The following PMFBP1 variants were observed in gnomAD, a reference collection of about 807,000 sequenced individuals.
PMFBP1 encodes the protein polyamine-modulated factor 1-binding protein 1.
In PMFBP1, 131 loss-of-function variants were observed where a neutral mutation model predicts 137.8. The observed-to-expected ratio is 0.95, with a 90% confidence interval of 0.82 to 1.10. The LOEUF (loss-of-function observed/expected upper bound fraction) is 1.10, where lower values mean the gene tolerates loss of function less well. Among genes scored for constraint, PMFBP1 ranks in the 50% least tolerant of loss-of-function variants. PMFBP1 has a pLI of 0.00. For missense variants in PMFBP1, 1,199 were observed against 1,175.4 expected (o/e 1.02, Z -0.29); for synonymous variants, 490 against 450.4 (o/e 1.09, Z -1.11).
Position 72,130,680 on chromosome 16 carries a change from C to T in PMFBP1, c.1490G>A (p.Gly497Asp), listed in dbSNP as rs1302963344. 1 of 1,613,680 alleles carries T rather than the reference C, an allele frequency of 6.2e-7. No individual in the cohort carries two copies. Among genetic ancestry groups the T allele is most frequent in the Non-Finnish European group, 8.5e-7 (1 of 1,179,984 alleles). ...AQCKEEAALA[G>D]CHLEDTQRKL... Reference sequence around the variant, plus strand: ...CCTCTGGGTGTCCTCCAGGTGACAGCCTGCCAGTGCAGCCTCTTCTTTGCA... The same window carrying T: ...CCTCTGGGTGTCCTCCAGGTGACAGTCTGCCAGTGCAGCCTCTTCTTTGCA... Residue 497 changes from glycine (G) to aspartate (D), a missense_variant, in exon 11 of 21, where the codon GGC becomes GAC. Transcript: ENST00000237353.
At chr16:72,136,665 C>T (rs905263485) in intron 8 of PMFBP1, 28 bp downstream of exon 8, 1 of 1,614,098 alleles carries the variant, frequency 6.2e-7, no homozygotes, top group South Asian at 1.1e-5. Context: ...TTCTGGCTCC[C>T]CTGCCACAGC....
the PMFBP1 span, among the ~76,000 whole-genome samples, chr16:72,185,047 G>A: frequency 6.7e-6 from 1 of 149,150 alleles, no homozygotes; most frequent in Non-Finnish European, 1.5e-5. Flanking sequence ...TTTTTGAGAC[G>A]GAGTCTCGCT....
intron 5 of PMFBP1, among the ~76,000 whole-genome samples, chr16:72,148,035 G>C (rs929870475): frequency 6.6e-6 from 1 of 152,074 alleles, no homozygotes; most frequent in African/African-American, 2.4e-5. Context: ...ATACCCAAAG[G>C]ATTATAAGTA....
chr16:72,216,894 GAAGCGAGA>G, the PMFBP1 span, among the ~76,000 whole-genome samples: 2 of 152,316 alleles, frequency 1.3e-5, no homozygotes, highest in South Asian at 4.1e-4. Context: ...AAGTAGTAGT[GAAGCGAGA>G]AAGGGAGGAA....
the PMFBP1 span, among the ~76,000 whole-genome samples, chr16:72,235,737 A>T: frequency 1.7e-5 from 1 of 58,538 alleles, no homozygotes; most frequent in East Asian, 6.2e-4. Flanking sequence ...TCCCAAGTTT[A>T]AAAAAAATAC....
In PMFBP1 at chr16:72,164,902, G is replaced by C; in HGVS notation, c.27C>G (p.Asp9Glu). The part of the protein sequence containing the change: MKDEAGER[D>E]REVSSLNSKL... Reference sequence around the variant, plus strand: ...TGCTGTTCAGGCTGCTCACTTCTCTGTCTCTCTCCCCCGCCTAGGCAGCCA... The same window carrying C: ...TGCTGTTCAGGCTGCTCACTTCTCTCTCTCTCTCCCCCGCCTAGGCAGCCA... Residue 9 changes from aspartate (D) to glutamate (E), a missense_variant, in exon 3 of 21, where the codon GAC (aspartate) becomes GAG (glutamate). Asp to Glu is a conservative substitution (Grantham distance 45). Coordinates refer to ENST00000237353, the MANE Select transcript of PMFBP1 (RefSeq NM_031293.3). The C allele has an allele frequency of 6.3e-7, 1 of 1,593,464 alleles. No homozygotes were observed. The highest frequency in any genetic ancestry group is 1.1e-5 in the South Asian group (1 of 90,056).
intron 7 of PMFBP1, among the ~76,000 whole-genome samples, chr16:72,138,619 G>C (rs1339752230): frequency 1.3e-5 from 2 of 152,114 alleles, no homozygotes; most frequent in Non-Finnish European, 2.9e-5. Flanking sequence ...GGGTTGAAGT[G>C]ATTCTCCTGC....
the PMFBP1 span, among the ~76,000 whole-genome samples, chr16:72,191,197 T>C: frequency 6.6e-6 from 1 of 152,190 alleles, no homozygotes; most frequent in South Asian, 2.1e-4. Context: ...TACAGACAGA[T>C]TCTGTATTTT....
At chr16:72,179,245 G>T (rs2043268594), upstream of PMFBP1, among the ~76,000 whole-genome samples, 1 of 152,176 alleles carries the variant, frequency 6.6e-6, no homozygotes, top group South Asian at 2.1e-4. Context: ...AAGTCTCTTA[G>T]GTTCAGCTCA....
At chr16:72,183,714 T>G in the PMFBP1 span, among the ~76,000 whole-genome samples, 11,244 of 152,134 alleles carry the variant, frequency 0.074, 494 homozygotes, top group Middle Eastern at 0.1. Flanking sequence ...ATAACAGTAG[T>G]TACCTATGAG....
At chr16:72,169,408 C>T (rs1597494501) in intron 2 of PMFBP1, among the ~76,000 whole-genome samples, 2 of 152,210 alleles carry the variant, frequency 1.3e-5, no homozygotes, top group Middle Eastern at 6.8e-3. Flanking sequence ...TTGACTTTTC[C>T]ATTTATAGAA....
the PMFBP1 span, among the ~76,000 whole-genome samples, chr16:72,198,616 A>G: frequency 6.6e-6 from 1 of 152,120 alleles, no homozygotes; most frequent in Non-Finnish European, 1.5e-5. Flanking sequence ...TTAAAAAATG[A>G]CCGGCCTCCA....
chr16:72,164,375 G>T, intron 3 of PMFBP1: 2 of 1,284,342 alleles, frequency 1.6e-6, no homozygotes, highest in Non-Finnish European at 2.0e-6. Flanking sequence ...TGATACCTTA[G>T]AGCAGGTGTG....
chr16:72,132,740 G>T lies in PMFBP1; in HGVS notation c.1447+8C>A. On this transcript the variant is annotated splice_region_variant and intron_variant, in intron 10 of 20. Transcript: ENST00000237353. ...AGTGTGGTGGGACAGCACCTGCAGG[G>T]GCCTCACCAGCCAGCCTCTCCTGCT... The T allele has an allele frequency of 6.2e-7, 1 of 1,614,132 alleles. No homozygotes were observed. The highest frequency in any genetic ancestry group is 2.2e-5 in the East Asian group (1 of 44,880).
the PMFBP1 span, among the ~76,000 whole-genome samples, chr16:72,225,860 G>A: frequency 1.3e-5 from 2 of 151,076 alleles, no homozygotes; most frequent in African/African-American, 4.9e-5. Context: ...GGTCACAGAT[G>A]AAAAATTGGT....
the PMFBP1 span, among the ~76,000 whole-genome samples, chr16:72,206,713 CGCTTCCCGGCGCACTGCTTTTA>C: frequency 2.6e-5 from 4 of 152,178 alleles, no homozygotes; most frequent in African/African-American, 9.6e-5. Context: ...TGTTAATCAT[CGCTTCCCGGCGCACTGCTTTTA>C]GCTGAACTCA....
At position 72,154,193 on chromosome 16, in the gene PMFBP1, T is replaced by A; in HGVS notation, c.414+18A>T. 1 of 1,609,506 alleles carries A rather than the reference T, an allele frequency of 6.2e-7. No individual in the cohort carries two copies. The highest frequency in any genetic ancestry group is 8.5e-7 in the Non-Finnish European group (1 of 1,176,780). ...TACCTAAGAATGTGGGTTATTTCCA[T>A]GGTTAATCTGTCTATACCTCATCTT... On this transcript the variant is annotated intron_variant, in intron 4 of 20. Transcript: ENST00000237353.
downstream of PMFBP1, among the ~76,000 whole-genome samples, chr16:72,117,906 T>C (rs2042324675): frequency 6.6e-6 from 1 of 152,222 alleles, no homozygotes; most frequent in South Asian, 2.1e-4. Flanking sequence ...CCAGGTCTTC[T>C]GCCTAGCTGG....
chr16:72,132,362 G>A (rs183042449), intron 10 of PMFBP1, among the ~76,000 whole-genome samples: 3 of 152,268 alleles, frequency 2.0e-5, no homozygotes, highest in Admixed American at 2.0e-4. Context: ...TGTATTTGGG[G>A]GCAAAAAGGC....
Sources: allele counts gnomAD v4.1 joint callset (sites outside exome capture counted in the v4.1 genomes callset), GRCh38; gene constraint gnomAD v4.1.1; transcripts MANE v1.5; gene names NCBI Gene and HGNC (gene_info 2026-07-23, HGNC 2026-07-21).